Variants in TAFA4 observed in about 807,000 individuals in gnomAD.
TAFA4 encodes the protein chemokine-like protein TAFA-4.
A neutral mutation model predicts 21.1 loss-of-function variants in TAFA4; 20 were observed. That is an observed-to-expected ratio of 0.95 (90% CI 0.67 to 1.38). The LOEUF (loss-of-function observed/expected upper bound fraction) is 1.38, where lower values mean the gene tolerates loss of function less well. TAFA4 is among the 40% of genes most tolerant of loss of function. The pLI is 0.00. For missense variants in TAFA4, 211 were observed against 180.9 expected (o/e 1.17, Z -0.95); for synonymous variants, 71 against 67.4 (o/e 1.05, Z -0.26).
At chr3:68,900,135 G>A (rs1172622385) in intron 1 of TAFA4, among the ~76,000 whole-genome samples, 4 of 150,372 alleles carry the variant, frequency 2.7e-5, no homozygotes, top group Admixed American at 6.6e-5. Flanking sequence ...CCAGGTACTG[G>A]GGAGGCTAAG....
At chr3:68,870,211 A>T (rs115018146) in intron 3 of TAFA4, among the ~76,000 whole-genome samples, 2,846 of 152,222 alleles carry the variant, frequency 0.019, 89 homozygotes, top group African/African-American at 0.065. Flanking sequence ...AGACACACAA[A>T]AAAAGAAACA....
At chr3:68,841,487 T>C (rs2314315) in intron 3 of TAFA4, among the ~76,000 whole-genome samples, 47,498 of 152,014 alleles carry the variant, frequency 0.31, 7,830 homozygotes, top group Non-Finnish European at 0.37. Flanking sequence ...TGCGTGACTA[T>C]CACCCTACAC....
chr3:68,857,335 C>G (rs1304179565), intron 3 of TAFA4, among the ~76,000 whole-genome samples: 1 of 152,086 alleles, frequency 6.6e-6, no homozygotes, highest in African/African-American at 2.4e-5. Context: ...TTGCTAAGTA[C>G]ATTAAGCACA....
At chr3:68,822,064 C>A (rs1397257867) in intron 3 of TAFA4, among the ~76,000 whole-genome samples, 1 of 152,124 alleles carries the variant, frequency 6.6e-6, no homozygotes, top group Non-Finnish European at 1.5e-5. Context: ...CAGGTGTGGA[C>A]AGCTGTGAAG....
chr3:68,917,821 T>C (rs1418944884), intron 1 of TAFA4, among the ~76,000 whole-genome samples: 2 of 148,288 alleles, frequency 1.3e-5, no homozygotes, highest in African/African-American at 5.0e-5. Flanking sequence ...AGTGGGAAGG[T>C]AGAAACCTAA....
intron 3 of TAFA4, among the ~76,000 whole-genome samples, chr3:68,807,278 C>T (rs1213899574): frequency 2.6e-5 from 4 of 152,140 alleles, no homozygotes; most frequent in Non-Finnish European, 5.9e-5. Context: ...AAGACAAAGG[C>T]AATTAGCAAT....
chr3:68,732,890 G>C lies in TAFA4; in HGVS notation c.*252C>G. 2 of 501,416 alleles carry C rather than the reference G, an allele frequency of 4.0e-6. No homozygotes were observed. Among genetic ancestry groups the C allele is most frequent in the East Asian group, 3.1e-5 (1 of 32,776 alleles). The allele number at this position is 501,416 out of a possible 1,614,324, so 31.1% of individuals were successfully genotyped here. A position where few individuals can be genotyped will look rare whatever the true frequency, so the allele number is the denominator to read the frequency against. On this transcript the variant is annotated 3_prime_UTR_variant, in exon 6 of 6. Coordinates refer to ENST00000295569, the MANE Select transcript of TAFA4 (RefSeq NM_182522.5). ...TGATTTGCTCTTCTCGGATTTTGGA[G>C]GTATGCTCCTTGGGAATCCAGAGAG...
chr3:68,847,466 G>A (rs989065419), intron 3 of TAFA4, among the ~76,000 whole-genome samples: 2 of 152,230 alleles, frequency 1.3e-5, no homozygotes, highest in African/African-American at 4.8e-5. Flanking sequence ...TGTCGGGGTG[G>A]GATCCACTGA....
intron 2 of TAFA4, among the ~76,000 whole-genome samples, chr3:68,883,897 C>T (rs1311588593): frequency 2.6e-5 from 4 of 152,000 alleles, no homozygotes; most frequent in Admixed American, 6.6e-5. Context: ...TATACCACCA[C>T]ACTCCAGCCT....
chr3:68,896,095 G>C (rs1319378835), intron 1 of TAFA4, among the ~76,000 whole-genome samples: 4 of 152,130 alleles, frequency 2.6e-5, no homozygotes, highest in Admixed American at 2.6e-4. Flanking sequence ...AGGTAGCTAG[G>C]GAGGCCAGAG....
At chr3:68,843,071 G>T (rs1161497084) in intron 3 of TAFA4, among the ~76,000 whole-genome samples, 3 of 152,160 alleles carry the variant, frequency 2.0e-5, no homozygotes, top group African/African-American at 4.8e-5. Context: ...ATTCTGTGAA[G>T]AAAGTCAATG....
chr3:68,911,160 G>C (rs1057339469), intron 1 of TAFA4, among the ~76,000 whole-genome samples: 2 of 152,204 alleles, frequency 1.3e-5, no homozygotes, highest in African/African-American at 4.8e-5. Flanking sequence ...CGTTTGGGAG[G>C]AGAGCAATTA....
At chr3:68,928,951 G>A (rs771164099) in intron 1 of TAFA4, among the ~76,000 whole-genome samples, 8 of 149,564 alleles carry the variant, frequency 5.3e-5, no homozygotes, top group Admixed American at 2.7e-4. Context: ...TTCTTTGAGC[G>A]TTTCCTTAAA....
chr3:68,889,201 T>A (rs892723430), intron 1 of TAFA4, among the ~76,000 whole-genome samples: 3 of 152,202 alleles, frequency 2.0e-5, no homozygotes, highest in Admixed American at 1.3e-4. Context: ...AGATGGTGGA[T>A]GCTGGGCTGC....
rs112328963 is a variant in TAFA4 at position 68,839,641 on chromosome 3, A to C, written c.130+41089T>G. ...AACCTGTCTCTTAAAAAATCATTCA[A>C]ATTCCTCTTTTCCCTGACATATGGC... is the stretch of plus-strand genomic sequence containing the variant. On this transcript the variant is annotated intron_variant, in intron 3 of 5. Transcript: ENST00000295569. Among the ~76,000 whole-genome samples, 185 of 152,258 alleles carry C rather than the reference A, an allele frequency of 1.2e-3. 2 individuals are homozygous for C. Among genetic ancestry groups the C allele is most frequent in the African/African-American group, 4.0e-3 (168 of 41,556 alleles).
intron 3 of TAFA4, among the ~76,000 whole-genome samples, chr3:68,853,297 C>A (rs75368269): frequency 0.1 from 15,917 of 152,028 alleles, 1,098 homozygotes; most frequent in African/African-American, 0.19. Flanking sequence ...AGACATGAGT[C>A]AGTTGTGTTT....
chr3:68,849,555 T>G (rs1454054409), intron 3 of TAFA4, among the ~76,000 whole-genome samples: 1 of 152,168 alleles, frequency 6.6e-6, no homozygotes, highest in African/African-American at 2.4e-5. Context: ...AGCAGAAATA[T>G]GAGTAAAGCC....
At chr3:68,790,279 G>GA (rs897653090) in intron 3 of TAFA4, among the ~76,000 whole-genome samples, 148 of 141,246 alleles carry the variant, frequency 1.0e-3, no homozygotes, top group African/African-American at 3.3e-3. Flanking sequence ...CACTAAAAAA[G>GA]AAAAAAAAAG....
At chr3:68,892,481 G>A (rs903814924) in intron 1 of TAFA4, among the ~76,000 whole-genome samples, 9 of 152,164 alleles carry the variant, frequency 5.9e-5, no homozygotes, top group East Asian at 5.8e-4. Flanking sequence ...TGGGTATGAC[G>A]TACATTAATC....
Sources: gnomAD v4.1 joint callset for allele counts (sites outside exome capture counted in the v4.1 genomes callset) on GRCh38, gnomAD v4.1.1 for gene constraint, MANE v1.5 for transcripts, NCBI Gene and HGNC (gene_info 2026-07-23, HGNC 2026-07-21) for gene names.